The following GYPE variants were observed in gnomAD, a reference collection of about 807,000 sequenced individuals.
GYPE encodes glycophorin-E.
A neutral mutation model predicts 11.6 loss-of-function variants in GYPE; 8 were observed. That is an observed-to-expected ratio of 0.69 (90% confidence interval 0.41 to 1.25). The LOEUF is 1.25. Ranked by LOEUF, GYPE falls within the 50% of genes most tolerant of loss-of-function variation. The pLI is 0.01. For synonymous variants in GYPE, 28 were observed against 29.6 expected, an observed-to-expected ratio of 0.94 and a Z score of 0.18; for missense variants, 90 against 92.8, an observed-to-expected ratio of 0.97 and a Z score of 0.12.
At chr4:143,894,889 A>G (rs1744565056) in intron 1 of GYPE, among the ~76,000 whole-genome samples, 1 of 152,052 alleles carries the variant, frequency 6.6e-6, no homozygotes, top group Non-Finnish European at 1.5e-5. Flanking sequence ...TATAAACAGA[A>G]CCAAAGACAA....
intron 1 of GYPE, among the ~76,000 whole-genome samples, chr4:143,893,596 C>T (rs1744498272): frequency 6.6e-6 from 1 of 152,074 alleles, no homozygotes; most frequent in Non-Finnish European, 1.5e-5. Flanking sequence ...ATATGAAATT[C>T]TGGATTGAAA....
intron 1 of GYPE, among the ~76,000 whole-genome samples, chr4:143,903,665 G>T (rs1338163636): frequency 6.6e-6 from 1 of 152,002 alleles, no homozygotes; most frequent in African/African-American, 2.4e-5. Flanking sequence ...TTCCTTGGAG[G>T]GTTTCTGAAG....
chr4:143,902,738 C>A (rs6817423), intron 1 of GYPE, among the ~76,000 whole-genome samples: 142,648 of 152,080 alleles, frequency 0.94, 67,641 homozygotes, highest in East Asian at 1. Context: ...GGATACACGG[C>A]TGAATAAAGT....
Position 143,876,743 on chromosome 4 carries a change from C to T in GYPE, c.*9+3G>A. On this transcript the variant is annotated splice_donor_region_variant and intron_variant, in intron 3 of 3. Transcript: ENST00000358615. ...AGAGCAAAATTAAAAACTGAATTCTCACCTTTATCAGTCATCGAATACAGT... is the reference window on the plus strand; with the variant it reads ...AGAGCAAAATTAAAAACTGAATTCTTACCTTTATCAGTCATCGAATACAGT... The T allele has an allele frequency of 6.7e-7, 1 of 1,482,150 alleles. No homozygotes were observed. Among genetic ancestry groups the T allele is most frequent in the Non-Finnish European group, 9.4e-7 (1 of 1,063,018 alleles). 91.8% of individuals were successfully genotyped at this position (1,482,150 alleles called of 1,614,324 possible). A position where few individuals can be genotyped will look rare whatever the true frequency, so the allele number is the denominator to read the frequency against.
At chr4:143,883,598 A>T (rs183661106) in intron 1 of GYPE, among the ~76,000 whole-genome samples, 31 of 141,632 alleles carry the variant, frequency 2.2e-4, no homozygotes, top group African/African-American at 8.4e-4. Flanking sequence ...TTAATAATTA[A>T]TAATAACATG....
chr4:143,892,500 G>C (rs1056534790), intron 1 of GYPE, among the ~76,000 whole-genome samples: 3 of 151,588 alleles, frequency 2.0e-5, no homozygotes, highest in Non-Finnish European at 4.4e-5. Flanking sequence ...AGAGATTCTG[G>C]TATGTTGTGT....
intron 1 of GYPE, among the ~76,000 whole-genome samples, chr4:143,890,240 C>G (rs1401927826): frequency 6.6e-6 from 1 of 152,164 alleles, no homozygotes; most frequent in Non-Finnish European, 1.5e-5. Context: ...AGTTTGTTAA[C>G]TTGAATCTTA....
chr4:143,878,185 GCA>G (rs1743882543), intron 2 of GYPE, among the ~76,000 whole-genome samples: 1 of 151,878 alleles, frequency 6.6e-6, no homozygotes, highest in South Asian at 2.1e-4. Flanking sequence ...GAGTACAGTG[GCA>G]CAGTCATAGC....
intron 1 of GYPE, among the ~76,000 whole-genome samples, chr4:143,886,289 C>A (rs62338492): frequency 7.5e-6 from 1 of 133,434 alleles, no homozygotes; most frequent in East Asian, 2.2e-4. Context: ...TTCATCAATA[C>A]CTTCAAATTA....
At chr4:143,897,398 G>C (rs1744692959) in intron 1 of GYPE, among the ~76,000 whole-genome samples, 1 of 152,006 alleles carries the variant, frequency 6.6e-6, no homozygotes, top group South Asian at 2.1e-4. Context: ...GAATCCAGCA[G>C]TTCAAGACTG....
At chr4:143,875,475 C>A in intron 3 of GYPE, 2 of 1,550,994 alleles carry the variant, frequency 1.3e-6, no homozygotes, top group Non-Finnish European at 1.7e-6. Flanking sequence ...TGGTTCTAGG[C>A]AAGATCAGGC....
intron 1 of GYPE, among the ~76,000 whole-genome samples, chr4:143,901,405 G>C (rs1427235000): frequency 8.8e-6 from 1 of 113,226 alleles, no homozygotes; most frequent in Non-Finnish European, 1.8e-5. Flanking sequence ...AGAAAATTTA[G>C]AAAGTATTTA....
chr4:143,876,059 G>A (rs1039563665), intron 3 of GYPE, among the ~76,000 whole-genome samples: 3 of 151,894 alleles, frequency 2.0e-5, no homozygotes, highest in Non-Finnish European at 4.4e-5. Context: ...TGAAAAATCT[G>A]TTGCAAAATA....
At chr4:143,882,051 G>A (rs1048316916) in intron 1 of GYPE, among the ~76,000 whole-genome samples, 3 of 152,098 alleles carry the variant, frequency 2.0e-5, no homozygotes, top group East Asian at 1.9e-4. Flanking sequence ...GAGAAGACAT[G>A]ATCTATTGTT....
At chr4:143,899,669 C>T (rs531194679) in intron 1 of GYPE, among the ~76,000 whole-genome samples, 3 of 148,548 alleles carry the variant, frequency 2.0e-5, no homozygotes, top group Non-Finnish European at 3.0e-5. Flanking sequence ...ACTCATATAT[C>T]CATGGCCAAT....
At chr4:143,892,232 C>G (rs1337372112) in intron 1 of GYPE, among the ~76,000 whole-genome samples, 1 of 151,994 alleles carries the variant, frequency 6.6e-6, no homozygotes, top group Non-Finnish European at 1.5e-5. Context: ...AGCGGTCTAT[C>G]AATTTTGTTG....
intron 1 of GYPE, among the ~76,000 whole-genome samples, chr4:143,891,303 T>C (rs1301780353): frequency 6.9e-6 from 1 of 145,566 alleles, no homozygotes; most frequent in Non-Finnish European, 1.5e-5. Flanking sequence ...CACATGTTAT[T>C]ATTATTATTT....
intron 1 of GYPE, among the ~76,000 whole-genome samples, chr4:143,891,701 C>T (rs981739186): frequency 5.3e-5 from 8 of 151,912 alleles, no homozygotes; most frequent in African/African-American, 1.9e-4. Context: ...ACTAGGGTGC[C>T]GGCCGTTCAC....
intron 2 of GYPE, among the ~76,000 whole-genome samples, chr4:143,880,020 T>C (rs1560939295): frequency 6.6e-6 from 1 of 152,174 alleles, no homozygotes; most frequent in East Asian, 1.9e-4. Flanking sequence ...ATTAATGGGA[T>C]AGAAACCCTG....
Sources: allele counts gnomAD v4.1 joint callset (sites outside exome capture counted in the v4.1 genomes callset), GRCh38; gene constraint gnomAD v4.1.1; transcripts MANE v1.5; gene names NCBI Gene and HGNC (gene_info 2026-07-23, HGNC 2026-07-21).